The following ANPEP variants were observed in gnomAD, a reference collection of about 807,000 sequenced individuals.
ANPEP encodes aminopeptidase N.
In ANPEP, 70 loss-of-function variants were observed where a neutral mutation model predicts 114.6. The observed-to-expected ratio is 0.61, with a 90% CI of 0.50 to 0.75. The LOEUF is 0.75. Among genes scored for constraint, ANPEP ranks in the 30% least tolerant of loss-of-function variants. ANPEP has a pLI of 0.00. For missense variants in ANPEP, 1,184 were observed against 1,259.5 expected (o/e 0.94, Z 0.91); for synonymous variants, 548 against 522.3 (o/e 1.05, Z -0.67).
In ANPEP at chr15:89,785,202, G is replaced by A; in HGVS notation, c.*147C>T. On this transcript the variant is annotated 3_prime_UTR_variant, in exon 21 of 21. Transcript: ENST00000300060. ...TCATCAGGAACTAGACTGGCTCACAGGCAGAGAGAACGTGGGCTGGAGACT... is the reference window on the plus strand; with the variant it reads ...TCATCAGGAACTAGACTGGCTCACAAGCAGAGAGAACGTGGGCTGGAGACT... 1 of 1,094,558 alleles carries A rather than the reference G, an allele frequency of 9.1e-7. No individual in the cohort carries two copies. Among genetic ancestry groups the A allele is most frequent in the Non-Finnish European group, 1.3e-6 (1 of 760,350 alleles). The allele number at this position is 1,094,558 out of a possible 1,614,324, so 67.8% of individuals were successfully genotyped here. A position where few individuals can be genotyped will look rare whatever the true frequency, so the allele number is the denominator to read the frequency against.
chr15:89,785,572 C>A, intron 20 of ANPEP, 71 bp from the exon 21 acceptor site: 1 of 1,591,014 alleles, frequency 6.3e-7, no homozygotes, highest in South Asian at 1.1e-5. Context: ...TCTCTCAGGC[C>A]TCTGGCTTTC....
In ANPEP at chr15:89,784,996, G is replaced by T. The variant is rs932359581; in HGVS notation, c.*353C>A. 1 of 223,962 alleles carries T rather than the reference G, an allele frequency of 4.5e-6. No individual in the cohort carries two copies. Among genetic ancestry groups the T allele is most frequent in the Admixed American group, 5.1e-5 (1 of 19,680 alleles). 13.9% of individuals were successfully genotyped at this position (223,962 alleles called of 1,614,324 possible). On this transcript the variant is annotated 3_prime_UTR_variant, in exon 21 of 21. Coordinates refer to ENST00000300060, the MANE Select transcript of ANPEP (RefSeq NM_001150.3). ...TTAGGGTCTTTAGGGAAAGGTGAAA[G>T]AGGGTACAGGGCGGCCCCCAGCAAG...
chr15:89,793,847 T>G (rs980065162), intron 15 of ANPEP, among the ~76,000 whole-genome samples: 2 of 152,214 alleles, frequency 1.3e-5, no homozygotes, highest in African/African-American at 4.8e-5. Context: ...CTTTTTTCTA[T>G]AGTTTTTTCT....
At chr15:89,807,102 G>C (rs531785760) in intron 1 of ANPEP, among the ~76,000 whole-genome samples, 18 of 152,362 alleles carry the variant, frequency 1.2e-4, no homozygotes, top group African/African-American at 4.3e-4. Context: ...GATGCCAGGG[G>C]CTCCTCAGTG....
In ANPEP at chr15:89,792,556, G is replaced by A. The variant is rs760292696; in HGVS notation, c.2256C>T (p.Ser752=). The A allele has an allele frequency of 7.4e-6, 12 of 1,613,830 alleles. No individual in the cohort carries two copies. The highest frequency in any genetic ancestry group is 5.0e-5 in the Admixed American group (3 of 59,986). Reference sequence around the variant, plus strand: ...AGGCGGTGCTGATGGCATTAACCTCGCTGTACCTGCCCCAGGGGTGACACG... The same window carrying A: ...AGGCGGTGCTGATGGCATTAACCTCACTGTACCTGCCCCAGGGGTGACACG... ...EIPENLMDQY[S]EVNAISTACS... The change falls in exon 17 of 21, where the codon AGC becomes AGT. Residue 752 remains serine (S), a synonymous_variant. Coordinates refer to ENST00000300060, the MANE Select transcript of ANPEP (RefSeq NM_001150.3).
intron 1 of ANPEP, among the ~76,000 whole-genome samples, chr15:89,807,557 T>C (rs1343219808): frequency 2.6e-5 from 4 of 151,900 alleles, no homozygotes; most frequent in Non-Finnish European, 5.9e-5. Context: ...AAAAAATTAG[T>C]TGGGCGTGGT....
intron 1 of ANPEP, among the ~76,000 whole-genome samples, chr15:89,814,542 C>G (rs1482901367): frequency 2.0e-5 from 3 of 152,212 alleles, no homozygotes; most frequent in South Asian, 2.1e-4. Context: ...CCCTGCGAGG[C>G]CCGCTGGGGA....
chr15:89,791,434 C>A (rs1302545014), intron 18 of ANPEP, among the ~76,000 whole-genome samples: 1 of 151,696 alleles, frequency 6.6e-6, no homozygotes, highest in African/African-American at 2.4e-5. Flanking sequence ...CTTTTCTTTT[C>A]TTTTCTCTTT....
intron 20 of ANPEP, among the ~76,000 whole-genome samples, chr15:89,788,911 CA>C (rs1395443724): frequency 1.3e-5 from 2 of 151,992 alleles, no homozygotes; most frequent in African/African-American, 2.4e-5. Flanking sequence ...TGAAGCACCC[CA>C]CCCACCCTAC....
At chr15:89,805,799 G>C (rs1042204280) in intron 2 of ANPEP, among the ~76,000 whole-genome samples, 171 bp downstream of exon 2, 5 of 152,136 alleles carry the variant, frequency 3.3e-5, no homozygotes, top group Admixed American at 3.3e-4. Context: ...AGCCCTCCCA[G>C]TTCGGTGCAT....
intron 1 of ANPEP, among the ~76,000 whole-genome samples, chr15:89,813,356 G>A (rs1894848676): frequency 6.6e-6 from 1 of 152,196 alleles, no homozygotes; most frequent in Non-Finnish European, 1.5e-5. Flanking sequence ...AAAGGCTGTA[G>A]GGGTGTAAGG....
chr15:89,799,710 G>A lies in ANPEP; in HGVS notation c.1820-151C>T, dbSNP rs1894548754. On this transcript the variant is annotated intron_variant, in intron 12 of 20. Transcript: ENST00000300060. This position sits in a 1 kb window ranked among gnomAD's most constrained non-coding sequence, Gnocchi z 4.2. ...TAAGGGTGGGGAAGGAAGGGATGAG[G>A]AACTGGGCTGCCAGTGGCTTCACAG... is the stretch of plus-strand genomic sequence containing the variant. The A allele has an allele frequency of 1.7e-6, 2 of 1,160,220 alleles. No individual in the cohort carries two copies. The highest frequency in any genetic ancestry group is 4.5e-5 in the Admixed American group (2 of 44,704). 71.9% of individuals were successfully genotyped at this position (1,160,220 alleles called of 1,614,324 possible).
intron 20 of ANPEP, 119 bp from the exon 21 acceptor site, chr15:89,785,620 C>G (rs1467191935): frequency 7.1e-7 from 1 of 1,406,018 alleles, no homozygotes; most frequent in Non-Finnish European, 9.7e-7. Context: ...GGGACCACAC[C>G]CTGTTCCAGG....
intron 4 of ANPEP, 37 bp downstream of exon 4, chr15:89,805,041 C>T: frequency 6.2e-7 from 1 of 1,612,954 alleles, no homozygotes; most frequent in Non-Finnish European, 8.5e-7. Flanking sequence ...AAGCCGGGGC[C>T]AGCCCACGTG....
At chr15:89,805,607 C>G in intron 2 of ANPEP, 144 bp from the exon 3 acceptor site, 1 of 1,225,900 alleles carries the variant, frequency 8.2e-7, no homozygotes, top group African/African-American at 1.5e-5. Flanking sequence ...CCCGCCTCGC[C>G]GGGAGCCTCC....
chr15:89,792,128 C>G, intron 18 of ANPEP, 32 bp downstream of exon 18: 6 of 1,594,804 alleles, frequency 3.8e-6, no homozygotes, highest in Non-Finnish European at 5.1e-6. Flanking sequence ...GGGGAGAGGG[C>G]TCTCGCAGTC....
intron 20 of ANPEP, among the ~76,000 whole-genome samples, chr15:89,790,142 T>TGC (rs10683900): frequency 5.1e-5 from 3 of 58,340 alleles, no homozygotes; most frequent in Non-Finnish European, 1.1e-4. Context: ...AATTACATGA[T>TGC]CAGTGATTTG....
At chr15:89,791,429 CT>C (rs1968622450) in intron 18 of ANPEP, among the ~76,000 whole-genome samples, 1 of 151,636 alleles carries the variant, frequency 6.6e-6, no homozygotes, top group Non-Finnish European at 1.5e-5. Context: ...CTTTTCTTTT[CT>C]TTTCTTTTCT....
intron 1 of ANPEP, among the ~76,000 whole-genome samples, chr15:89,809,441 T>C (rs1894780730): frequency 6.6e-6 from 1 of 152,238 alleles, no homozygotes; most frequent in Non-Finnish European, 1.5e-5. Flanking sequence ...TCTTTACTCT[T>C]CTGGACAAGG....
Sources: gnomAD v4.1 joint callset for allele counts (sites outside exome capture counted in the v4.1 genomes callset) on GRCh38, gnomAD v4.1.1 for gene constraint, Gnocchi (gnomAD v3.1) non-coding constraint, MANE v1.5 for transcripts, NCBI Gene and HGNC (gene_info 2026-07-23, HGNC 2026-07-21) for gene names.